NEIL1: variants seen among roughly 807,000 people sequenced by gnomAD.
NEIL1 encodes endonuclease 8-like 1.
A neutral mutation model predicts 44.2 loss-of-function variants in NEIL1; 31 were observed. The observed-to-expected ratio is 0.70, with a 90% CI of 0.53 to 0.95. NEIL1 has a LOEUF of 0.95. Ranked by LOEUF, NEIL1 falls within the 40% of genes least tolerant of loss-of-function variation. The pLI is 0.00. For missense variants in NEIL1, 549 were observed against 515.5 expected (o/e 1.07, Z -0.63); for synonymous variants, 254 against 209.7 (o/e 1.21, Z -1.83).
rs752792380 is a variant in NEIL1, at chr15:75,356,065, G to A, written c.*1031G>A. 10 of 1,613,494 alleles carry A rather than the reference G, an allele frequency of 6.2e-6. No individual in the cohort carries two copies. The East Asian group carries it at 1.1e-4, about 18-fold the overall frequency. ...ACAGGAGGGGCCATGAAGGCTCTGC[G>A]AGGGCGAGACTCGACCCCCGCCCCA... is the stretch of plus-strand genomic sequence containing the variant. On this transcript the variant is annotated 3_prime_UTR_variant, in exon 10 of 10. Transcript: ENST00000355059. The surrounding 1 kb of genome is among the most constrained non-coding windows in gnomAD (Gnocchi z 5.8).
chr15:75,348,963 G>A lies in NEIL1; in HGVS notation c.58G>A (p.Ala20Thr). Reference protein sequence around the residue: ...ASQFVNEACRALVFGGCVEKS... With the variant: ...ASQFVNEACRTLVFGGCVEKS... Reference sequence around the variant, plus strand: ...CCAGTTTGTGAATGAGGCCTGCAGGGCGCTGGTGTTCGGCGGCTGCGTGGA... The same window carrying A: ...CCAGTTTGTGAATGAGGCCTGCAGGACGCTGGTGTTCGGCGGCTGCGTGGA... The change falls in exon 2 of 10, where the codon GCG becomes ACG. Residue 20 changes from alanine to threonine, a missense_variant. Transcript: ENST00000355059. The A allele has an allele frequency of 1.2e-6, 2 of 1,613,580 alleles. No homozygotes were observed. The highest frequency in any genetic ancestry group is 1.7e-6 in the Non-Finnish European group (2 of 1,180,036).
In NEIL1 at chr15:75,356,222, G is replaced by A; in HGVS notation, c.*1188G>A. 1 of 1,613,052 alleles carries A rather than the reference G, an allele frequency of 6.2e-7. No homozygotes were observed. Among genetic ancestry groups the A allele is most frequent in the South Asian group, 1.1e-5 (1 of 91,008 alleles). ...CGGCGCTGGGGGCTGCTCTCCGCCT[G>A]CAGAGGAACACGTCTGGTGGGAGGG... On this transcript the variant is annotated 3_prime_UTR_variant, in exon 10 of 10. Coordinates refer to ENST00000355059, the MANE Select transcript of NEIL1 (RefSeq NM_024608.4). The surrounding 1 kb of genome is among the most constrained non-coding windows in gnomAD (Gnocchi z 5.8).
chr15:75,356,200 C>T lies in NEIL1; in HGVS notation c.*1166C>T, dbSNP rs144713721. 1.3e-4 allele frequency: 204 copies of T among 1,613,352 alleles called. No individual in the cohort carries two copies. The highest frequency in any genetic ancestry group is 1.6e-4 in the Non-Finnish European group (193 of 1,179,938). On this transcript the variant is annotated 3_prime_UTR_variant, in exon 10 of 10. Coordinates refer to ENST00000355059, the MANE Select transcript of NEIL1 (RefSeq NM_024608.4). The surrounding 1 kb of genome is among the most constrained non-coding windows in gnomAD (Gnocchi z 5.8). ...ATACAGCCTCAGGACCAGCGAGCGG[C>T]GCTGGGGGCTGCTCTCCGCCTGCAG...
chr15:75,347,968 C>T (rs1184567111), intron 1 of NEIL1: 1 of 1,244,390 alleles, frequency 8.0e-7, no homozygotes, highest in East Asian at 6.4e-5. Context: ...GGCACACCTT[C>T]GCCTCCGATT....
chr15:75,349,080 A>G lies in NEIL1; in HGVS notation c.175A>G (p.Ile59Val), dbSNP rs1481905863. 2 of 1,612,900 alleles carry G rather than the reference A, an allele frequency of 1.2e-6. No individual in the cohort carries two copies. Among genetic ancestry groups the G allele is most frequent in the East Asian group, 4.5e-5 (2 of 44,884 alleles). The change falls in exon 2 of 10, where the codon ATA (isoleucine) becomes GTA (valine). Residue 59 changes from isoleucine to valine, a missense_variant. Transcript: ENST00000355059. ...AGCCCGCGGCAAGGAGCTGCGCCTG[A>G]TACTGAGCCCTCTGCCTGGGGCCCA... The part of the protein sequence containing the change: ...ASARGKELRL[I>V]LSPLPGAQPQ...
chr15:75,348,374 A>AGGG, intron 1 of NEIL1: 3 of 933,472 alleles, frequency 3.2e-6, no homozygotes, highest in Non-Finnish European at 3.8e-6. Context: ...GTGTGGGGGG[A>AGGG]GGGGGGCGCA....
At chr15:75,353,921 C>A (rs928218686) in intron 6 of NEIL1, 55 bp downstream of exon 6, 60 of 1,603,874 alleles carry the variant, frequency 3.7e-5, no homozygotes, top group Non-Finnish European at 4.8e-5. Context: ...TGGGTGGAAA[C>A]GTGGGGTCAC....
At chr15:75,353,584 C>G (rs1422018853) in intron 5 of NEIL1, 155 bp from the exon 6 acceptor site, 1 of 845,050 alleles carries the variant, frequency 1.2e-6, no homozygotes, top group East Asian at 2.5e-5. Context: ...TGGGAAGAAA[C>G]CAGCTGAGGT....
rs746371504 is a variant in NEIL1, at chr15:75,356,402, A to C, written c.*1368A>C. On this transcript the variant is annotated 3_prime_UTR_variant, in exon 10 of 10. Coordinates refer to ENST00000355059, the MANE Select transcript of NEIL1 (RefSeq NM_024608.4). The surrounding 1 kb of genome is among the most constrained non-coding windows in gnomAD (Gnocchi z 5.8). ...GGGGCTGGCAGAGCCAACAGGGGGA[A>C]GTTTAGGCTGTAGGCAGCTTGGATA... 1.9e-6 allele frequency: 3 copies of C among 1,610,480 alleles called. No individual in the cohort carries two copies. In the African/African-American group the frequency reaches 4.0e-5, roughly 22 times the overall value.
At chr15:75,350,791 C>G (rs2071826410) in intron 2 of NEIL1, among the ~76,000 whole-genome samples, 1 of 152,172 alleles carries the variant, frequency 6.6e-6, no homozygotes, top group Admixed American at 6.5e-5. Context: ...AAGTTTCTCT[C>G]AAACCACGAG....
rs1567268217 is a variant in NEIL1 at position 75,356,215 on chromosome 15, T to A, written c.*1181T>A. The A allele has an allele frequency of 1.2e-6, 2 of 1,613,012 alleles. No individual in the cohort carries two copies. Among genetic ancestry groups the A allele is most frequent in the Non-Finnish European group, 1.7e-6 (2 of 1,179,784 alleles). Reference sequence around the variant, plus strand: ...CAGCGAGCGGCGCTGGGGGCTGCTCTCCGCCTGCAGAGGAACACGTCTGGT... The same window carrying A: ...CAGCGAGCGGCGCTGGGGGCTGCTCACCGCCTGCAGAGGAACACGTCTGGT... On this transcript the variant is annotated 3_prime_UTR_variant, in exon 10 of 10. Coordinates refer to ENST00000355059, the MANE Select transcript of NEIL1 (RefSeq NM_024608.4). The surrounding 1 kb of genome is among the most constrained non-coding windows in gnomAD (Gnocchi z 5.8).
Position 75,349,215 on chromosome 15 carries a change from GCCCCGCCTGGC to G in NEIL1, c.316_326del (p.Pro106AlafsTer46). The G allele has an allele frequency of 1.2e-6, 2 of 1,609,216 alleles. No homozygotes were observed. The highest frequency in any genetic ancestry group is 1.7e-6 in the Non-Finnish European group (2 of 1,179,842). ...CCATGCCCACCTGCGCTTTTACACGGCCCCGCCTGGCCCCCGGCTCGCCCTATGTTTCGTGG... is the reference window on the plus strand; with the variant it reads ...CCATGCCCACCTGCGCTTTTACACGGCCCCGGCTCGCCCTATGTTTCGTGG... On this transcript the variant is annotated frameshift_variant, in exon 2 of 10. Coordinates refer to ENST00000355059, the MANE Select transcript of NEIL1 (RefSeq NM_024608.4). LOFTEE classifies it high-confidence loss of function.
rs959285313 is a variant in NEIL1, at chr15:75,355,533, G to A, written c.*499G>A. 5 of 248,658 alleles carry A rather than the reference G, an allele frequency of 2.0e-5. No homozygotes were observed. Among genetic ancestry groups the A allele is most frequent in the Admixed American group, 1.6e-4 (3 of 19,354 alleles). 15.4% of individuals were successfully genotyped at this position (248,658 alleles called of 1,614,324 possible). On this transcript the variant is annotated 3_prime_UTR_variant, in exon 10 of 10. Transcript: ENST00000355059. ...AGGAGCCAGGCAAAACCCACCCTTCGGCCCCTCCCCAGCCCCAGGCCCAGG... is the reference window on the plus strand; with the variant it reads ...AGGAGCCAGGCAAAACCCACCCTTCAGCCCCTCCCCAGCCCCAGGCCCAGG...
chr15:75,349,978 TG>T (rs1440007113), intron 2 of NEIL1, among the ~76,000 whole-genome samples: 1 of 151,918 alleles, frequency 6.6e-6, no homozygotes, highest in Non-Finnish European at 1.5e-5. Flanking sequence ...GCTAAGAAGG[TG>T]GAGGGGCTTT....
Position 75,357,042 on chromosome 15 carries a change from G to A in NEIL1, c.*2008G>A. 1 of 654,470 alleles carries A rather than the reference G, an allele frequency of 1.5e-6. No individual in the cohort carries two copies. The highest frequency in any genetic ancestry group is 2.7e-6 in the Non-Finnish European group (1 of 375,902). 40.5% of individuals were successfully genotyped at this position (654,470 alleles called of 1,614,324 possible). ...CCAGCTCCCACTGTACGGGGCCCTG[G>A]GCATGCCACCCAACCTGCCTAAGCC... On this transcript the variant is annotated 3_prime_UTR_variant, in exon 10 of 10. Coordinates refer to ENST00000355059, the MANE Select transcript of NEIL1 (RefSeq NM_024608.4).
At position 75,353,832 on chromosome 15, in the gene NEIL1, T is replaced by C. The variant is rs771442598; in HGVS notation, c.812T>C (p.Leu271Pro). The C allele has an allele frequency of 6.2e-7, 1 of 1,613,598 alleles. No homozygotes were observed. Among genetic ancestry groups the C allele is most frequent in the Non-Finnish European group, 8.5e-7 (1 of 1,180,014 alleles). Residue 271 changes from leucine (L) to proline (P), a missense_variant, in exon 6 of 10, where the codon CTG (leucine) becomes CCG (proline). Coordinates refer to ENST00000355059, the MANE Select transcript of NEIL1 (RefSeq NM_024608.4). ...RCYGMPGMSSLQDRHGRTIWF... is the reference protein window; with the variant it reads ...RCYGMPGMSSPQDRHGRTIWF... Reference sequence around the variant, plus strand: ...TATGGCATGCCAGGCATGAGCTCCCTGCAGGACCGGCATGGCCGTACCATC... The same window carrying C: ...TATGGCATGCCAGGCATGAGCTCCCCGCAGGACCGGCATGGCCGTACCATC...
intron 2 of NEIL1, 46 bp downstream of exon 2, chr15:75,349,385 C>T (rs761358346): frequency 1.2e-5 from 18 of 1,533,606 alleles, no homozygotes; most frequent in Non-Finnish European, 1.6e-5. Flanking sequence ...GGGCTCCACA[C>T]CTGACTCTCT....
intron 7 of NEIL1, 70 bp downstream of exon 7, chr15:75,354,347 C>G (rs568591780): frequency 1.9e-6 from 3 of 1,610,942 alleles, no homozygotes; most frequent in Admixed American, 3.3e-5. Flanking sequence ...CTACAGCACC[C>G]TTCTCCACCC....
rs1464928986 is a variant in NEIL1, at chr15:75,355,831, C to A, written c.*797C>A. 6.7e-7 allele frequency: 1 copy of A among 1,491,816 alleles called. No homozygotes were observed. Among genetic ancestry groups the A allele is most frequent in the Non-Finnish European group, 9.1e-7 (1 of 1,094,786 alleles). 92.4% of individuals were successfully genotyped at this position (1,491,816 alleles called of 1,614,324 possible). On this transcript the variant is annotated 3_prime_UTR_variant, in exon 10 of 10. Coordinates refer to ENST00000355059, the MANE Select transcript of NEIL1 (RefSeq NM_024608.4). ...ATTTATTCCACAAGAAAAGACTGAT[C>A]CCTGCTTTAGGCTGGGGAAGCAGAA...
Sources: gnomAD v4.1 joint callset for allele counts (sites outside exome capture counted in the v4.1 genomes callset) on GRCh38, gnomAD v4.1.1 for gene constraint, Gnocchi (gnomAD v3.1) non-coding constraint, MANE v1.5 for transcripts, NCBI Gene and HGNC (gene_info 2026-07-23, HGNC 2026-07-21) for gene names.